Variants in SORCS2 observed in about 807,000 individuals in gnomAD.
SORCS2 encodes sortilin related VPS10 domain containing receptor 2, also known as VPS10 domain-containing receptor SorCS2.
Under a neutral mutation model 141.6 loss-of-function variants are expected in SORCS2, and 100 were observed. The observed-to-expected ratio is 0.71, with a 90% CI of 0.60 to 0.83. The LOEUF is 0.83. Among genes scored for constraint, SORCS2 ranks in the 40% least tolerant of loss-of-function variants. SORCS2 has a pLI of 0.00. For missense variants in SORCS2, 1,646 were observed against 1,560.2 expected (o/e 1.05, Z -0.93); for synonymous variants, 789 against 676.9 (o/e 1.17, Z -2.57).
At chr4:7,500,405 G>A (rs1038999163) in intron 2 of SORCS2, among the ~76,000 whole-genome samples, 3 of 152,152 alleles carry the variant, frequency 2.0e-5, no homozygotes, top group Non-Finnish European at 4.4e-5. Context: ...AACAGGCCCT[G>A]GAATGGGGGC....
At chr4:7,472,904 C>T (rs1730064575) in intron 2 of SORCS2, among the ~76,000 whole-genome samples, 1 of 143,636 alleles carries the variant, frequency 7.0e-6, no homozygotes, top group Admixed American at 7.2e-5. Context: ...TGGATGGGGC[C>T]AAAGTGTTCA....
At chr4:7,452,850 G>T (rs1457834962) in intron 2 of SORCS2, among the ~76,000 whole-genome samples, 1 of 152,008 alleles carries the variant, frequency 6.6e-6, no homozygotes, top group Non-Finnish European at 1.5e-5. Context: ...CTGTGTTGGG[G>T]TCAGGTGCTG....
chr4:7,278,596 A>G (rs1715665506), intron 1 of SORCS2, among the ~76,000 whole-genome samples: 1 of 152,104 alleles, frequency 6.6e-6, no homozygotes, highest in Non-Finnish European at 1.5e-5. Context: ...CATCTGTTTC[A>G]TAGACCCAGG....
intron 1 of SORCS2, among the ~76,000 whole-genome samples, chr4:7,382,962 C>G (rs569464284): frequency 7.9e-5 from 12 of 152,108 alleles, no homozygotes; most frequent in Admixed American, 2.0e-4. Context: ...ATGTTTTGAT[C>G]TATAATATGA....
chr4:7,451,201 G>GGAGT (rs1014717378), intron 2 of SORCS2, among the ~76,000 whole-genome samples: 1 of 152,264 alleles, frequency 6.6e-6, no homozygotes, highest in African/African-American at 2.4e-5. Context: ...AATGCATGAT[G>GGAGT]GAGTGAGTGA....
At chr4:7,528,518 T>C (rs940709718) in intron 2 of SORCS2, among the ~76,000 whole-genome samples, 6 of 152,036 alleles carry the variant, frequency 3.9e-5, no homozygotes, top group African/African-American at 1.4e-4. Context: ...CTCCACCTCC[T>C]GGGTTCAAGA....
intron 2 of SORCS2, among the ~76,000 whole-genome samples, chr4:7,527,465 G>C (rs2109530812): frequency 6.6e-6 from 1 of 152,282 alleles, no homozygotes; most frequent in African/African-American, 2.4e-5. Context: ...CTCTGCAGTG[G>C]GCCTCGGGGC....
intron 2 of SORCS2, among the ~76,000 whole-genome samples, chr4:7,417,482 G>T (rs1560267576): frequency 6.6e-6 from 1 of 152,166 alleles, no homozygotes; most frequent in Non-Finnish European, 1.5e-5. Context: ...CTGAGTTTGG[G>T]AGAAGCATGG....
chr4:7,304,212 G>A (rs1717634396), intron 1 of SORCS2, among the ~76,000 whole-genome samples: 1 of 152,220 alleles, frequency 6.6e-6, no homozygotes. Flanking sequence ...TTGCCTGGGG[G>A]TCGGGGAGAC....
chr4:7,621,119 G>A (rs758345390), intron 3 of SORCS2, among the ~76,000 whole-genome samples: 6 of 152,160 alleles, frequency 3.9e-5, no homozygotes, highest in Non-Finnish European at 8.8e-5. Flanking sequence ...CTCCCCTGCT[G>A]GGGGTAGGTC....
chr4:7,567,069 G>A (rs1250715252), intron 3 of SORCS2, among the ~76,000 whole-genome samples: 1 of 152,154 alleles, frequency 6.6e-6, no homozygotes, highest in East Asian at 1.9e-4. Context: ...ATTTATTTTT[G>A]TATTTATTTT....
At chr4:7,413,698 A>T (rs542929996) in intron 2 of SORCS2, among the ~76,000 whole-genome samples, 1 of 152,074 alleles carries the variant, frequency 6.6e-6, no homozygotes, top group Non-Finnish European at 1.5e-5. Context: ...CACAACTGCT[A>T]TTTTTTAATG....
intron 2 of SORCS2, among the ~76,000 whole-genome samples, chr4:7,451,128 G>A (rs1409434559): frequency 2.6e-5 from 4 of 152,174 alleles, no homozygotes; most frequent in Non-Finnish European, 5.9e-5. Context: ...GAACGAATGA[G>A]TGAGTGAGGG....
chr4:7,354,291 C>T (rs142401639), intron 1 of SORCS2, among the ~76,000 whole-genome samples: 2 of 151,784 alleles, frequency 1.3e-5, no homozygotes, highest in Non-Finnish European at 2.9e-5. Context: ...TGGACGTATC[C>T]CCCCATGGTA....
intron 5 of SORCS2, among the ~76,000 whole-genome samples, chr4:7,661,114 G>T (rs573935889): frequency 3.9e-5 from 6 of 152,144 alleles, no homozygotes; most frequent in Non-Finnish European, 5.9e-5. Flanking sequence ...CATTTTAGAT[G>T]ATCAAAATAA....
At chr4:7,523,704 G>T (rs2109514489) in intron 2 of SORCS2, among the ~76,000 whole-genome samples, 1 of 152,230 alleles carries the variant, frequency 6.6e-6, no homozygotes, top group East Asian at 1.9e-4. Context: ...CTGCCCACAG[G>T]CCGCTGTTAT....
intron 3 of SORCS2, among the ~76,000 whole-genome samples, chr4:7,618,172 G>T (rs1430217570): frequency 6.6e-6 from 1 of 152,038 alleles, no homozygotes; most frequent in Non-Finnish European, 1.5e-5. Flanking sequence ...TCCTCCGCAG[G>T]CTCCTCTCAG....
chr4:7,269,820 C>T (rs1714996844), intron 1 of SORCS2, among the ~76,000 whole-genome samples: 1 of 152,158 alleles, frequency 6.6e-6, no homozygotes, highest in Non-Finnish European at 1.5e-5. Flanking sequence ...TTGCTGTGAG[C>T]CACCCACTGT....
At chr4:7,337,543 G>A (rs1720063331) in intron 1 of SORCS2, among the ~76,000 whole-genome samples, 1 of 152,142 alleles carries the variant, frequency 6.6e-6, no homozygotes, top group Admixed American at 6.5e-5. Flanking sequence ...CTTGTTGGAG[G>A]AGCTGGCAGG....
Sources: gnomAD v4.1 joint callset for allele counts (sites outside exome capture counted in the v4.1 genomes callset) on GRCh38, gnomAD v4.1.1 for gene constraint, MANE v1.5 for transcripts, NCBI Gene and HGNC (gene_info 2026-07-23, HGNC 2026-07-21) for gene names.